Variants in TAF4 observed in about 807,000 individuals in gnomAD.
TAF4 encodes TATA-box binding protein associated factor 4.
In TAF4, 9 loss-of-function variants were observed where a neutral mutation model predicts 90.3. The ratio of observed to expected loss-of-function variants is 0.10; its 90% CI spans 0.06 to 0.17. The LOEUF (loss-of-function observed/expected upper bound fraction) is 0.17. Ranked by LOEUF, TAF4 falls within the 10% of genes least tolerant of loss-of-function variation. The pLI is 1.00. For missense variants in TAF4, 1,351 were observed against 1,370.7 expected (o/e 0.99, Z 0.23); for synonymous variants, 818 against 638.9 (o/e 1.28, Z -4.23).
intron 14 of TAF4, among the ~76,000 whole-genome samples, chr20:61,997,273 G>A (rs1470253473): frequency 6.6e-6 from 1 of 152,206 alleles, no homozygotes; most frequent in Non-Finnish European, 1.5e-5. Flanking sequence ...TCTTCTGACA[G>A]TTATAACTTC....
intron 1 of TAF4, among the ~76,000 whole-genome samples, chr20:62,026,615 G>A (rs754667511): frequency 2.0e-5 from 3 of 152,080 alleles, no homozygotes; most frequent in African/African-American, 7.2e-5. Context: ...CAGACTGCGC[G>A]CACCCTCCAC....
chr20:62,012,931 G>A lies in TAF4; in HGVS notation c.1525C>T (p.Pro509Ser). 1 of 1,612,644 alleles carries A rather than the reference G, an allele frequency of 6.2e-7. No individual in the cohort carries two copies. The highest frequency in any genetic ancestry group is 8.5e-7 in the Non-Finnish European group (1 of 1,179,666). The change falls in exon 3 of 15, where the codon CCT becomes TCT. Residue 509 changes from proline to serine, a missense_variant. Coordinates refer to ENST00000252996, the MANE Select transcript of TAF4 (RefSeq NM_003185.4). ...TGCCGTGCAATGATAGGTGTTCCAG[G>A]TGCCTGAAAAATAAGCAGAGTCACC... ...PPVQISTVQA[P>S]GTPIIARQVT...
chr20:62,040,476 C>A (rs1162324421), intron 1 of TAF4, among the ~76,000 whole-genome samples: 1 of 152,238 alleles, frequency 6.6e-6, no homozygotes, highest in Non-Finnish European at 1.5e-5. Flanking sequence ...GGAGCAGGGG[C>A]TCACCCCCAG....
chr20:62,013,257 G>C (rs28382051), intron 2 of TAF4, among the ~76,000 whole-genome samples: 2 of 152,258 alleles, frequency 1.3e-5, no homozygotes, highest in Admixed American at 6.5e-5. Context: ...CACTAAAAAG[G>C]ATGCAAAGGC....
intron 9 of TAF4, among the ~76,000 whole-genome samples, chr20:62,002,567 T>C (rs539582656): frequency 1.3e-5 from 2 of 152,336 alleles, no homozygotes; most frequent in African/African-American, 4.8e-5. Flanking sequence ...CATAGCTCAC[T>C]GTAACACTGA....
At chr20:62,049,895 G>C (rs958364113) in intron 1 of TAF4, among the ~76,000 whole-genome samples, 13 of 152,058 alleles carry the variant, frequency 8.5e-5, no homozygotes, top group South Asian at 4.1e-4. Flanking sequence ...CAGAGACGAC[G>C]GCACTCAAGA....
Position 62,065,147 on chromosome 20 carries a change from G to A in TAF4, c.664C>T (p.Pro222Ser), listed in dbSNP as rs775245345. 1.7e-6 allele frequency: 2 copies of A among 1,196,720 alleles called. No individual in the cohort carries two copies. The highest frequency in any genetic ancestry group is 1.4e-5 in the South Asian group (1 of 70,078). The allele number at this position is 1,196,720 out of a possible 1,614,324, so 74.1% of individuals were successfully genotyped here. A position where few individuals can be genotyped will look rare whatever the true frequency, so the allele number is the denominator to read the frequency against. ...TTGGGCAGCGGCAGCAGCGCGGCGG[G>A]CCCGTTGTTGACCAGGCTGACAGCA... Reference protein sequence around the residue: ...APAVSLVNNGPAALLPLPKPA... With the variant: ...APAVSLVNNGSAALLPLPKPA... Residue 222 changes from proline to serine, a missense_variant, in exon 1 of 15, where the codon CCC (proline) becomes TCC (serine). Around this residue, in one of 9 missense-constraint regions of TAF4, gnomAD observed 782 missense variants for 536.6 expected, o/e 1.46. Coordinates refer to ENST00000252996, the MANE Select transcript of TAF4 (RefSeq NM_003185.4).
At chr20:62,032,495 GCCTGCTGTCTGCAGAGGATGGGCTT>G (rs1253037751) in intron 1 of TAF4, among the ~76,000 whole-genome samples, 1 of 152,258 alleles carries the variant, frequency 6.6e-6, no homozygotes, top group Non-Finnish European at 1.5e-5. Context: ...CACAGGCAGC[GCCTGCTGTCTGCAGAGGATGGGCTT>G]CCAGAAGGCC....
intron 1 of TAF4, among the ~76,000 whole-genome samples, chr20:62,063,801 G>T (rs904071090): frequency 6.6e-6 from 1 of 152,264 alleles, no homozygotes; most frequent in Non-Finnish European, 1.5e-5. Flanking sequence ...CAGCAAGGCT[G>T]CGCGCCGGGA....
intron 1 of TAF4, among the ~76,000 whole-genome samples, chr20:62,028,246 G>T (rs543313780): frequency 1.3e-5 from 2 of 152,116 alleles, no homozygotes; most frequent in South Asian, 2.1e-4. Context: ...AGGGCTTCTG[G>T]AAACTCAAAC....
chr20:62,063,942 G>A (rs566490229), intron 1 of TAF4, among the ~76,000 whole-genome samples: 40 of 152,356 alleles, frequency 2.6e-4, no homozygotes, highest in Admixed American at 8.5e-4. Flanking sequence ...AGACTGAAGA[G>A]GCTCGAGCCC....
At chr20:61,997,453 G>C in intron 14 of TAF4, 97 bp downstream of exon 14, 1 of 1,316,674 alleles carries the variant, frequency 7.6e-7, no homozygotes. Context: ...TGGTAAGAAA[G>C]CAAATTCCCC....
At chr20:62,036,569 T>C (rs2055933876) in intron 1 of TAF4, among the ~76,000 whole-genome samples, 2 of 152,206 alleles carry the variant, frequency 1.3e-5, no homozygotes, top group African/African-American at 2.4e-5. Flanking sequence ...GCAAACTGCA[T>C]GCAACTGTAT....
chr20:61,977,481 A>G (rs933863333), intron 14 of TAF4, among the ~76,000 whole-genome samples: 9 of 152,158 alleles, frequency 5.9e-5, no homozygotes, highest in Admixed American at 3.3e-4. Flanking sequence ...CAGCCCTGAC[A>G]TGGCCCCGCC....
At chr20:61,987,564 G>C (rs970971944) in intron 14 of TAF4, among the ~76,000 whole-genome samples, 2 of 152,128 alleles carry the variant, frequency 1.3e-5, no homozygotes, top group Non-Finnish European at 2.9e-5. Flanking sequence ...CCCAGAACAC[G>C]GACAGCACCG....
Position 62,006,783 on chromosome 20 carries a change from G to C in TAF4, c.1975-25C>G. ...TCTGGGTGGAAAGACAGACACGAGGGGTCAGGCGGCTGCTCATGCGTCGGT... is the reference window on the plus strand; with the variant it reads ...TCTGGGTGGAAAGACAGACACGAGGCGTCAGGCGGCTGCTCATGCGTCGGT... On this transcript the variant is annotated intron_variant, in intron 6 of 14. Transcript: ENST00000252996. The surrounding 1 kb of genome is among the most constrained non-coding windows in gnomAD (Gnocchi z 7.0). The C allele has an allele frequency of 6.9e-7, 1 of 1,455,104 alleles. No homozygotes were observed. Among genetic ancestry groups the C allele is most frequent in the Non-Finnish European group, 9.1e-7 (1 of 1,094,694 alleles). The allele number at this position is 1,455,104 out of a possible 1,614,324, so 90.1% of individuals were successfully genotyped here.
At chr20:61,998,218 AAAGT>A (rs1427046514) in intron 12 of TAF4, 26 bp from the exon 13 acceptor site, 1 of 1,608,182 alleles carries the variant, frequency 6.2e-7, no homozygotes, top group Non-Finnish European at 8.5e-7. Context: ...GCAGAAAAGA[AAAGT>A]AAGTTATGAA....
At chr20:61,999,135 G>A (rs778832716) in intron 11 of TAF4, 27 bp from the exon 12 acceptor site, 6 of 1,611,260 alleles carry the variant, frequency 3.7e-6, no homozygotes. Flanking sequence ...AATACTGCTT[G>A]TCATAAATCT....
At chr20:62,043,606 T>TA (rs1030974924) in intron 1 of TAF4, among the ~76,000 whole-genome samples, 41 of 152,280 alleles carry the variant, frequency 2.7e-4, no homozygotes, top group South Asian at 8.3e-4. Context: ...GTGAGTGCCC[T>TA]ACACAGATGC....
Sources: allele counts gnomAD v4.1 joint callset (sites outside exome capture counted in the v4.1 genomes callset), GRCh38; gene constraint gnomAD v4.1.1; regional missense constraint gnomAD v4.1.1; non-coding constraint Gnocchi (gnomAD v3.1); transcripts MANE v1.5; gene names NCBI Gene and HGNC (gene_info 2026-07-23, HGNC 2026-07-21).